Variants in ROBO2 observed in about 807,000 individuals in gnomAD.
ROBO2 encodes roundabout homolog 2.
ROBO2 carries 53 observed loss-of-function variants against 160.8 expected under a neutral mutation model. The observed-to-expected ratio is 0.33, with a 90% CI of 0.26 to 0.41. The LOEUF is 0.41. Ranked by LOEUF, ROBO2 falls within the 10% of genes least tolerant of loss-of-function variation. The pLI is 1.00. For missense variants in ROBO2, 1,577 were observed against 1,722.4 expected (o/e 0.92, Z 1.49); for synonymous variants, 664 against 611.7 (o/e 1.09, Z -1.26).
At chr3:76,480,398 A>G (rs1261565557) in intron 2 of ROBO2, among the ~76,000 whole-genome samples, 1 of 152,110 alleles carries the variant, frequency 6.6e-6, no homozygotes, top group Non-Finnish European at 1.5e-5. Context: ...ATTTTCTCAT[A>G]TAGACGTCTA....
chr3:77,044,331 G>A (rs1003093641), intron 1 of ROBO2, among the ~76,000 whole-genome samples: 6 of 152,200 alleles, frequency 3.9e-5, no homozygotes, highest in African/African-American at 1.4e-4. Flanking sequence ...TATGTGGGAT[G>A]TGTGTGTGCC....
intron 2 of ROBO2, among the ~76,000 whole-genome samples, chr3:76,214,088 T>C (rs1703333316): frequency 6.6e-6 from 1 of 152,122 alleles, no homozygotes; most frequent in South Asian, 2.1e-4. Context: ...AGTTGACAGA[T>C]AACATTAATT....
intron 2 of ROBO2, among the ~76,000 whole-genome samples, chr3:77,360,898 A>T (rs1411110139): frequency 3.2e-4 from 48 of 149,558 alleles, no homozygotes; most frequent in Admixed American, 3.3e-4. Context: ...TTTTGTTTGC[A>T]TTTTTTTTTT....
At chr3:77,368,758 T>A (rs1048845685) in intron 2 of ROBO2, among the ~76,000 whole-genome samples, 2 of 152,210 alleles carry the variant, frequency 1.3e-5, no homozygotes, top group Admixed American at 1.3e-4. Context: ...AAATTTGAAA[T>A]GTGAAAATTA....
At chr3:76,214,547 A>G (rs551417319) in intron 2 of ROBO2, among the ~76,000 whole-genome samples, 57 of 152,312 alleles carry the variant, frequency 3.7e-4, no homozygotes, top group African/African-American at 1.3e-3. Flanking sequence ...TCCTAAGCCC[A>G]TGGAGCCTCA....
intron 2 of ROBO2, among the ~76,000 whole-genome samples, chr3:77,289,970 G>T: frequency 6.6e-6 from 1 of 151,896 alleles, no homozygotes; most frequent in East Asian, 1.9e-4. Flanking sequence ...CAGACATTAA[G>T]TAAAATTGAT....
intron 2 of ROBO2, among the ~76,000 whole-genome samples, chr3:76,369,221 C>T (rs1380675586): frequency 6.6e-6 from 1 of 151,952 alleles, no homozygotes; most frequent in Non-Finnish European, 1.5e-5. Flanking sequence ...CAGGTATTAA[C>T]AGCCTTCTCT....
chr3:75,984,933 A>G (rs760946410), intron 2 of ROBO2, among the ~76,000 whole-genome samples: 1 of 151,462 alleles, frequency 6.6e-6, no homozygotes, highest in Non-Finnish European at 1.5e-5. Context: ...ACATAAGGGT[A>G]ATACTCTTAT....
At chr3:76,183,982 G>A (rs1426363232) in intron 2 of ROBO2, among the ~76,000 whole-genome samples, 1 of 152,056 alleles carries the variant, frequency 6.6e-6, no homozygotes, top group Non-Finnish European at 1.5e-5. Flanking sequence ...ATACAGTAAA[G>A]CAAAATGATA....
rs189626516 is a variant in ROBO2 at position 76,791,755 on chromosome 3, G to T, written c.110-306259G>T. Among the ~76,000 whole-genome samples the T allele has an allele frequency of 8.6e-5, 13 of 151,794 alleles. No homozygotes were observed. The South Asian group carries it at 2.7e-3, about 32-fold the overall frequency. On this transcript the variant is annotated intron_variant, in intron 2 of 26. Transcript: ENST00000487694. ...AGCCGATAAATTTGGGGTGCAATCA[G>T]CTCTCTATAGCCATGGATTCTGCAT...
intron 2 of ROBO2, among the ~76,000 whole-genome samples, chr3:76,859,145 A>G (rs2070462064): frequency 6.6e-6 from 1 of 152,158 alleles, no homozygotes; most frequent in Non-Finnish European, 1.5e-5. Context: ...CTGAACATCA[A>G]TTTTGCCAGA....
chr3:76,661,785 A>C (rs2091832338), intron 2 of ROBO2, among the ~76,000 whole-genome samples: 1 of 152,200 alleles, frequency 6.6e-6, no homozygotes, highest in Non-Finnish European at 1.5e-5. Context: ...TCTTCTTATC[A>C]CCTTAAAAGG....
intron 2 of ROBO2, among the ~76,000 whole-genome samples, chr3:76,832,722 G>A (rs901072926): frequency 6.6e-6 from 1 of 152,100 alleles, no homozygotes; most frequent in South Asian, 2.1e-4. Context: ...TATGTGGGGA[G>A]GTCTGGGAGC....
chr3:75,917,008 C>T (rs755377980), intron 1 of ROBO2, among the ~76,000 whole-genome samples: 2 of 151,482 alleles, frequency 1.3e-5, no homozygotes, highest in South Asian at 2.1e-4. Flanking sequence ...CACACATACA[C>T]ATATTGCGTA....
At chr3:77,590,023 T>C (rs1200780821) in intron 17 of ROBO2, among the ~76,000 whole-genome samples, 1 of 152,138 alleles carries the variant, frequency 6.6e-6, no homozygotes, top group Admixed American at 6.6e-5. Flanking sequence ...TGTAGGCTCC[T>C]AAACTGCTGA....
At chr3:76,657,549 C>A (rs2091595609) in intron 2 of ROBO2, among the ~76,000 whole-genome samples, 1 of 149,706 alleles carries the variant, frequency 6.7e-6, no homozygotes, top group South Asian at 2.1e-4. Flanking sequence ...AGTTCCAGAC[C>A]AGCCTGGGAA....
At chr3:77,035,117 A>G (rs2063549910), upstream of ROBO2, among the ~76,000 whole-genome samples, 1 of 151,892 alleles carries the variant, frequency 6.6e-6, no homozygotes, top group African/African-American at 2.4e-5. Context: ...ATTTGGTAAA[A>G]TCATTAGCCT....
intron 2 of ROBO2, among the ~76,000 whole-genome samples, chr3:76,330,368 T>G (rs1179987789): frequency 6.6e-6 from 1 of 152,240 alleles, no homozygotes; most frequent in Non-Finnish European, 1.5e-5. Context: ...CACCATTAAA[T>G]AGCATTTTTG....
At chr3:77,505,847 C>A (rs982065430) in intron 5 of ROBO2, among the ~76,000 whole-genome samples, 1 of 152,028 alleles carries the variant, frequency 6.6e-6, no homozygotes, top group Non-Finnish European at 1.5e-5. Context: ...AAATCCAAAG[C>A]CCACTTTCTT....
Sources: gnomAD v4.1 joint callset for allele counts (sites outside exome capture counted in the v4.1 genomes callset) on GRCh38, gnomAD v4.1.1 for gene constraint, MANE v1.5 for transcripts, NCBI Gene and HGNC (gene_info 2026-07-23, HGNC 2026-07-21) for gene names.